Variants in LAMA4 observed in about 807,000 individuals in gnomAD.
The protein encoded by LAMA4 is laminin subunit alpha 4, also known as laminin subunit alpha-4.
In LAMA4, 127 loss-of-function variants were observed where a neutral mutation model predicts 207.1. The observed-to-expected ratio is 0.61, with a 90% CI of 0.53 to 0.71. LAMA4 has a LOEUF of 0.71. Among genes scored for constraint, LAMA4 ranks in the 30% least tolerant of loss-of-function variants. The probability of loss-of-function intolerance (pLI) is 0.00; values close to 1 mark genes in which losing one functional copy is unlikely to be tolerated. For missense variants in LAMA4, 2,093 were observed against 2,246.5 expected, an observed-to-expected ratio of 0.93 and a Z score of 1.38; for synonymous variants, 761 against 816.0, an observed-to-expected ratio of 0.93 and a Z score of 1.15.
intron 5 of LAMA4, among the ~76,000 whole-genome samples, chr6:112,193,610 C>T (rs1182621971): frequency 1.3e-5 from 2 of 152,112 alleles, no homozygotes; most frequent in Non-Finnish European, 2.9e-5. Context: ...AGTCTTTAAA[C>T]TCTTTACCTG....
intron 14 of LAMA4, among the ~76,000 whole-genome samples, chr6:112,156,555 C>T (rs756430913): frequency 6.6e-6 from 1 of 152,206 alleles, no homozygotes; most frequent in African/African-American, 2.4e-5. Context: ...ACCTCCACTT[C>T]CGCAGTTCGT....
At chr6:112,175,590 AAG>A in intron 10 of LAMA4, 110 bp from the exon 11 acceptor site, 1 of 1,059,186 alleles carries the variant, frequency 9.4e-7, no homozygotes, top group Admixed American at 1.7e-5. Flanking sequence ...CTGAAATGGA[AAG>A]AGAGACTCAT....
chr6:112,202,183 G>C (rs1011657963), intron 4 of LAMA4, among the ~76,000 whole-genome samples: 1 of 152,060 alleles, frequency 6.6e-6, no homozygotes, highest in Non-Finnish European at 1.5e-5. Flanking sequence ...GACTGGCTGC[G>C]TCGATGAAAG....
Position 112,117,602 on chromosome 6 carries a change from G to T in LAMA4, c.4981+137C>A. ...TTTGGAGTGCAGGAGGGAGAAAGGT[G>T]GTTCTTGTGGGAAGAGGTCATCTTC... On this transcript the variant is annotated intron_variant, in intron 35 of 38. Transcript: ENST00000230538. This position sits in a 1 kb window ranked among gnomAD's most constrained non-coding sequence, Gnocchi z 4.5. 1.3e-6 allele frequency: 1 copy of T among 793,836 alleles called. No homozygotes were observed. The highest frequency in any genetic ancestry group is 1.5e-5 in the South Asian group (1 of 68,668). The allele number at this position is 793,836 out of a possible 1,614,324, so 49.2% of individuals were successfully genotyped here.
chr6:112,156,615 A>T (rs1356944328), intron 14 of LAMA4, among the ~76,000 whole-genome samples: 2 of 151,270 alleles, frequency 1.3e-5, no homozygotes, highest in African/African-American at 4.9e-5. Flanking sequence ...CCAATTCCTT[A>T]TTTTTTTTTC....
chr6:112,130,300 T>TTTTGTG (rs1554329303), intron 29 of LAMA4: 3 of 382,138 alleles, frequency 7.9e-6, no homozygotes, highest in Non-Finnish European at 1.5e-5. Flanking sequence ...AGCATTATTT[T>TTTTGTG]TGTGTGTGTG....
At chr6:112,218,821 C>T (rs1436876621) in intron 2 of LAMA4, 1 of 152,272 alleles carries the variant, frequency 6.6e-6, no homozygotes, top group Non-Finnish European at 1.5e-5. Context: ...ATTTGGCCCC[C>T]CGCCGAGAGG....
At chr6:112,110,265 TTAGGATGA>T (rs1310431510) in intron 38 of LAMA4, among the ~76,000 whole-genome samples, 1 of 152,184 alleles carries the variant, frequency 6.6e-6, no homozygotes, top group African/African-American at 2.4e-5. Context: ...ATTAAATGTG[TTAGGATGA>T]TAGAAGCAAT....
chr6:112,202,775 T>C (rs1783832698), intron 4 of LAMA4, among the ~76,000 whole-genome samples: 1 of 152,188 alleles, frequency 6.6e-6, no homozygotes, highest in Admixed American at 6.5e-5. Flanking sequence ...TTTCTTAGCC[T>C]ACTTAAAGAA....
intron 2 of LAMA4, among the ~76,000 whole-genome samples, chr6:112,228,632 G>A (rs1281869126): frequency 2.6e-5 from 4 of 152,204 alleles, no homozygotes; most frequent in African/African-American, 7.2e-5. Flanking sequence ...GATAAAGAAA[G>A]CCTGTTACAC....
At chr6:112,239,423 C>G (rs1315234145) in intron 2 of LAMA4, among the ~76,000 whole-genome samples, 1 of 151,706 alleles carries the variant, frequency 6.6e-6, no homozygotes, top group Non-Finnish European at 1.5e-5. Flanking sequence ...TATGGCAGCC[C>G]CAGCAGACTA....
intron 2 of LAMA4, among the ~76,000 whole-genome samples, chr6:112,246,406 A>C (rs1786928002): frequency 6.6e-6 from 1 of 152,176 alleles, no homozygotes; most frequent in Non-Finnish European, 1.5e-5. Context: ...AGCCAGAAAA[A>C]ACTCTAAAGT....
chr6:112,244,991 A>C (rs1379695409), intron 2 of LAMA4, among the ~76,000 whole-genome samples: 1 of 152,192 alleles, frequency 6.6e-6, no homozygotes, highest in Non-Finnish European at 1.5e-5. Context: ...GCAATTATTC[A>C]TGTACTACAA....
At chr6:112,133,209 A>T in intron 27 of LAMA4, 140 bp downstream of exon 27, 1 of 940,678 alleles carries the variant, frequency 1.1e-6, no homozygotes, top group Non-Finnish European at 1.7e-6. Context: ...CTTCTAGCTT[A>T]ATGGTTCTTC....
chr6:112,111,597 A>G (rs1407813373), intron 38 of LAMA4, among the ~76,000 whole-genome samples: 16 of 152,212 alleles, frequency 1.1e-4, no homozygotes, highest in Non-Finnish European at 2.1e-4. Context: ...GAACAGCTCA[A>G]AATGATATAA....
Position 112,144,653 on chromosome 6 carries a change from T to C in LAMA4, c.2493+141A>G, listed in dbSNP as rs1029148241. On this transcript the variant is annotated intron_variant, in intron 19 of 38. Coordinates refer to ENST00000230538, the MANE Select transcript of LAMA4 (RefSeq NM_001105206.3). ...GTTTTCAGTGTTCCTCACGTGTTTCTAATTAGCAAATGGGGCTGAGAACTA... is the reference window on the plus strand; with the variant it reads ...GTTTTCAGTGTTCCTCACGTGTTTCCAATTAGCAAATGGGGCTGAGAACTA... 13 of 997,196 alleles carry C rather than the reference T, an allele frequency of 1.3e-5. No individual in the cohort carries two copies. In the African/African-American group the frequency reaches 2.1e-4, roughly 16 times the overall value. 61.8% of individuals were successfully genotyped at this position (997,196 alleles called of 1,614,324 possible).
chr6:112,135,973 G>A, intron 25 of LAMA4, 150 bp downstream of exon 25: 1 of 679,398 alleles, frequency 1.5e-6, no homozygotes, highest in Non-Finnish European at 2.6e-6. Flanking sequence ...TCCTAGGGTT[G>A]AGAAGATGAG....
At chr6:112,236,653 T>C (rs527262063) in intron 2 of LAMA4, 19 of 152,322 alleles carry the variant, frequency 1.2e-4, no homozygotes, top group African/African-American at 4.1e-4. Context: ...ACTGCAGATA[T>C]GTTATAAGGC....
Position 112,158,737 on chromosome 6 carries a change from C to G in LAMA4, c.1812G>C (p.Leu604Phe). 6.2e-7 allele frequency: 1 copy of G among 1,613,444 alleles called. No individual in the cohort carries two copies. The highest frequency in any genetic ancestry group is 8.5e-7 in the Non-Finnish European group (1 of 1,179,508). Residue 604 changes from leucine (L) to phenylalanine (F), a missense_variant, in exon 14 of 39, where the codon TTG (leucine) becomes TTC (phenylalanine). Coordinates refer to ENST00000230538, the MANE Select transcript of LAMA4 (RefSeq NM_001105206.3). ...TTCTAAAACCAGGATATTACCTGCT[C>G]AATTCATTAGCTTCTTGTTGAAGGT... is the stretch of plus-strand genomic sequence containing the variant. ...AQDLQQEANELSRKLHSSDMN... is the reference protein window; with the variant it reads ...AQDLQQEANEFSRKLHSSDMN...
Sources: gnomAD v4.1 joint callset for allele counts (sites outside exome capture counted in the v4.1 genomes callset) on GRCh38, gnomAD v4.1.1 for gene constraint, Gnocchi (gnomAD v3.1) non-coding constraint, MANE v1.5 for transcripts, NCBI Gene and HGNC (gene_info 2026-07-23, HGNC 2026-07-21) for gene names.